PAX3: variants seen among roughly 807,000 people sequenced by gnomAD.
PAX3 encodes the protein paired box protein Pax-3.
In PAX3, 14 loss-of-function variants were observed where a neutral mutation model predicts 51.6. That is an observed-to-expected ratio of 0.27 (90% CI 0.18 to 0.42). The LOEUF (loss-of-function observed/expected upper bound fraction) is 0.42, where lower values mean the gene tolerates loss of function less well. Among genes scored for constraint, PAX3 ranks in the 10% least tolerant of loss-of-function variants. The pLI is 1.00. For synonymous variants in PAX3, 280 were observed against 253.4 expected (o/e 1.11, Z -1.00); for missense variants, 540 against 642.8 (o/e 0.84, Z 1.73).
At position 222,202,176 on chromosome 2, in the gene PAX3, C is replaced by T. The variant is rs1435887134; in HGVS notation, c.1188G>A (p.Leu396=). 4 of 1,597,088 alleles carry T rather than the reference C, an allele frequency of 2.5e-6. No homozygotes were observed. The highest frequency in any genetic ancestry group is 3.4e-6 in the Non-Finnish European group (4 of 1,171,034). ...NGLSPQVMGL[L]TNHGGVPHQP... is the part of the protein sequence containing the mutation. ...GATGAGGTACCCCACCGTGGTTGGT[C>T]AGGAGTCCCATTACCTAAAAAAACA... is the stretch of plus-strand genomic sequence containing the variant. Residue 396 remains leucine (L), a synonymous_variant, in exon 8 of 9, where the codon CTG becomes CTA. Transcript: ENST00000392070.
At chr2:222,293,094 G>T (rs1255797482) in intron 4 of PAX3, among the ~76,000 whole-genome samples, 1 of 152,158 alleles carries the variant, frequency 6.6e-6, no homozygotes, top group Non-Finnish European at 1.5e-5. Context: ...GTCGGCAACG[G>T]CTGTGAGCCC....
chr2:222,293,901 T>C, intron 4 of PAX3: 1 of 1,588,876 alleles, frequency 6.3e-7, no homozygotes. Flanking sequence ...AGAGCACAAT[T>C]CACAGTTCTA....
At chr2:222,276,970 C>T (rs973221706) in intron 4 of PAX3, among the ~76,000 whole-genome samples, 6 of 152,252 alleles carry the variant, frequency 3.9e-5, no homozygotes, top group African/African-American at 1.2e-4. Flanking sequence ...AAGCACCCTG[C>T]GTATTCTAAA....
intron 4 of PAX3, among the ~76,000 whole-genome samples, chr2:222,238,327 A>G (rs1053527356): frequency 6.6e-6 from 1 of 152,186 alleles, no homozygotes; most frequent in Non-Finnish European, 1.5e-5. Flanking sequence ...ATTTCATCCT[A>G]GTTAACACTA....
chr2:222,260,252 G>A (rs1693790988), intron 4 of PAX3, among the ~76,000 whole-genome samples: 1 of 148,536 alleles, frequency 6.7e-6, no homozygotes, highest in Admixed American at 6.8e-5. Context: ...AAGACTACAT[G>A]TGAAAAAAAA....
chr2:222,287,349 G>C (rs567942498), intron 4 of PAX3: 11 of 152,228 alleles, frequency 7.2e-5, no homozygotes, highest in African/African-American at 2.7e-4. Context: ...CTGCTTTGGT[G>C]TTTATCTTCC....
chr2:222,284,842 A>T (rs1694778738), intron 4 of PAX3, among the ~76,000 whole-genome samples: 1 of 152,232 alleles, frequency 6.6e-6, no homozygotes, highest in South Asian at 2.1e-4. Flanking sequence ...GAATCCTGGA[A>T]AGCTGGTATG....
intron 7 of PAX3, 62 bp downstream of exon 7, chr2:222,220,078 A>G (rs543350769): frequency 2.9e-6 from 4 of 1,392,032 alleles, no homozygotes; most frequent in South Asian, 2.4e-5. Flanking sequence ...CTACTGCCTC[A>G]GGGAATTGAA....
chr2:222,202,215 G>A (rs1213865602), intron 7 of PAX3, 25 bp from the exon 8 acceptor site: 1 of 1,509,644 alleles, frequency 6.6e-7, no homozygotes, highest in East Asian at 2.4e-5. Context: ...AGATTGGGAA[G>A]AGGTTAAAAT....
rs1456558707 is a variant in PAX3, at chr2:222,201,294, C to T, written c.*114G>A. The T allele has an allele frequency of 6.3e-7, 1 of 1,593,344 alleles. No individual in the cohort carries two copies. Among genetic ancestry groups the T allele is most frequent in the Non-Finnish European group, 8.5e-7 (1 of 1,174,622 alleles). ...CCTTTGTCTCCTATTGGGACCACTG[C>T]CCCACCCCCCCCAACAAAAGGGTAA... On this transcript the variant is annotated 3_prime_UTR_variant, in exon 9 of 9. Coordinates refer to ENST00000392070, the MANE Select transcript of PAX3 (RefSeq NM_181458.4).
intron 7 of PAX3, among the ~76,000 whole-genome samples, chr2:222,215,087 A>G (rs1691900269): frequency 6.6e-6 from 1 of 152,158 alleles, no homozygotes; most frequent in South Asian, 2.1e-4. Context: ...GGTTGCAAAC[A>G]GAACTTCCTC....
intron 5 of PAX3, among the ~76,000 whole-genome samples, chr2:222,224,709 C>T (rs1692319902): frequency 6.6e-6 from 1 of 152,196 alleles, no homozygotes; most frequent in African/African-American, 2.4e-5. Flanking sequence ...TTAGATAACT[C>T]TTTCAATATT....
At position 222,202,040 on chromosome 2, in the gene PAX3, G is replaced by A. The variant is rs1444946568; in HGVS notation, c.1324C>T (p.Leu442=). 1 of 1,614,126 alleles carries A rather than the reference G, an allele frequency of 6.2e-7. No individual in the cohort carries two copies. Among genetic ancestry groups the A allele is most frequent in the Non-Finnish European group, 8.5e-7 (1 of 1,180,026 alleles). The change falls in exon 8 of 9, where the codon CTG becomes TTG. Residue 442 remains leucine (L), a synonymous_variant. Coordinates refer to ENST00000392070, the MANE Select transcript of PAX3 (RefSeq NM_181458.4). Reference sequence around the variant, plus strand: ...GGACAGTAGGACTGAGATGTTGGCAGACTGTCCAAGCTCTTCATATGGTCT... The same window carrying A: ...GGACAGTAGGACTGAGATGTTGGCAAACTGTCCAAGCTCTTCATATGGTCT... The part of the protein sequence containing the change: ...RLDHMKSLDS[L]PTSQSYCPPT...
intron 4 of PAX3, among the ~76,000 whole-genome samples, chr2:222,247,898 T>C (rs1027252073): frequency 6.7e-6 from 1 of 150,292 alleles, no homozygotes; most frequent in African/African-American, 2.4e-5. Context: ...TCTACCTCAT[T>C]ACATCTTTAT....
intron 4 of PAX3, among the ~76,000 whole-genome samples, chr2:222,236,386 G>A (rs59268217): frequency 0.076 from 11,522 of 152,092 alleles, 1,354 homozygotes; most frequent in East Asian, 0.6. Flanking sequence ...ACACCACCTG[G>A]CAGAATCATC....
Position 222,274,068 on chromosome 2 carries a change from A to G in PAX3, c.586+20099T>C, listed in dbSNP as rs535679517. ...AAAGGACTTGTGAAATAAAATATAC[A>G]GAATCCTTAATATGCTCTCTCCACT... On this transcript the variant is annotated intron_variant, in intron 4 of 8. Coordinates refer to ENST00000392070, the MANE Select transcript of PAX3 (RefSeq NM_181458.4). Among the ~76,000 whole-genome samples the G allele has an allele frequency of 5.9e-5, 9 of 152,326 alleles. No homozygotes were observed. The South Asian group carries it at 1.2e-3, about 21-fold the overall frequency.
intron 7 of PAX3, among the ~76,000 whole-genome samples, chr2:222,209,885 T>C (rs1169720452): frequency 1.3e-5 from 2 of 152,066 alleles, no homozygotes; most frequent in Non-Finnish European, 2.9e-5. Flanking sequence ...AGTGACTCTC[T>C]GTCTCAAAAA....
chr2:222,260,624 C>G (rs1385502195), intron 4 of PAX3, among the ~76,000 whole-genome samples: 2 of 103,588 alleles, frequency 1.9e-5, no homozygotes. Context: ...CAAAGTCTCT[C>G]TCTGTTGCCC....
intron 4 of PAX3, among the ~76,000 whole-genome samples, chr2:222,249,309 G>A (rs530250161): frequency 5.3e-5 from 8 of 151,986 alleles, no homozygotes; most frequent in South Asian, 4.2e-4. Context: ...CTCAAATGTC[G>A]TGATTCTTCT....
Sources: allele counts gnomAD v4.1 joint callset (sites outside exome capture counted in the v4.1 genomes callset), GRCh38; gene constraint gnomAD v4.1.1; transcripts MANE v1.5; gene names NCBI Gene and HGNC (gene_info 2026-07-23, HGNC 2026-07-21).